The following ENPEP variants were observed in gnomAD, a reference collection of about 807,000 sequenced individuals.
The protein encoded by ENPEP is glutamyl aminopeptidase.
ENPEP carries 103 observed loss-of-function variants against 114.5 expected under a neutral mutation model. The ratio of observed to expected loss-of-function variants is 0.90; its 90% CI spans 0.77 to 1.06. The LOEUF (loss-of-function observed/expected upper bound fraction) is 1.06, where lower values mean the gene tolerates loss of function less well. ENPEP is among the 50% of genes least tolerant of loss of function. ENPEP has a pLI of 0.00. For synonymous variants in ENPEP, 420 were observed against 422.0 expected (o/e 1.00, Z 0.06); for missense variants, 1,196 against 1,161.3 (o/e 1.03, Z -0.43).
intron 1 of ENPEP, among the ~76,000 whole-genome samples, chr4:110,481,733 T>C (rs1724318385): frequency 1.3e-5 from 2 of 152,208 alleles, no homozygotes; most frequent in Non-Finnish European, 1.5e-5. Flanking sequence ...TGTGTATGTA[T>C]ATATATTTGT....
At chr4:110,513,266 C>T (rs1725644891) in intron 6 of ENPEP, 149 bp from the exon 7 acceptor site, 4 of 829,028 alleles carry the variant, frequency 4.8e-6, no homozygotes, top group Non-Finnish European at 7.1e-6. Context: ...TCAATCAGTG[C>T]AAAGTATGAT....
rs1448803 is a variant in ENPEP at position 110,543,290 on chromosome 4, A to T, written c.2000+220A>T. On this transcript the variant is annotated intron_variant, in intron 13 of 19. Coordinates refer to ENST00000265162, the MANE Select transcript of ENPEP (RefSeq NM_001977.4). ...AGCCCTTAAGGTATACACAAAAACA[A>T]ACCTAACTTATTGACTTTGAGTATG... 7.7e-3 allele frequency among the ~76,000 whole-genome samples: 1,170 copies of T among 152,246 alleles called. 7 individuals are homozygous for T. The highest frequency in any genetic ancestry group is 0.027 in the African/African-American group (1,124 of 41,560).
intron 13 of ENPEP, 109 bp from the exon 14 acceptor site, chr4:110,548,067 C>T (rs1343966566): frequency 6.7e-6 from 8 of 1,186,922 alleles, no homozygotes; most frequent in Non-Finnish European, 8.8e-6. Context: ...TCCTCATTAA[C>T]ATGGAATGCT....
chr4:110,483,981 GAGAAAA>G (rs1724407810), intron 1 of ENPEP, among the ~76,000 whole-genome samples: 1 of 152,160 alleles, frequency 6.6e-6, no homozygotes, highest in Non-Finnish European at 1.5e-5. Flanking sequence ...TGAAGTTCAT[GAGAAAA>G]AGAACAGGTT....
chr4:110,542,710 A>G, intron 11 of ENPEP, 41 bp from the exon 12 acceptor site: 1 of 1,568,884 alleles, frequency 6.4e-7, no homozygotes, highest in Non-Finnish European at 8.7e-7. Context: ...TTGACAGTGC[A>G]TGCAAACATG....
chr4:110,500,564 A>T lies in ENPEP; in HGVS notation c.919-6073A>T, dbSNP rs562550385. Among the ~76,000 whole-genome samples, 8 of 152,350 alleles carry T rather than the reference A, an allele frequency of 5.3e-5. No individual in the cohort carries two copies. The South Asian group carries it at 1.7e-3, about 32-fold the overall frequency. ...TTATGTTTATATATAATGTTTACAT[A>T]TAAAGTGATAAAGTAGACATACGAA... On this transcript the variant is annotated intron_variant, in intron 3 of 19. Transcript: ENST00000265162.
intron 11 of ENPEP, 144 bp downstream of exon 11, chr4:110,531,421 ATCT>A: frequency 1.7e-6 from 1 of 579,564 alleles, no homozygotes; most frequent in Non-Finnish European, 2.5e-6. Context: ...ATGATTCCAA[ATCT>A]TCATCTACAA....
intron 3 of ENPEP, 43 bp downstream of exon 3, chr4:110,491,207 G>C: frequency 7.1e-7 from 1 of 1,413,320 alleles, no homozygotes; most frequent in Non-Finnish European, 9.4e-7. Context: ...CTATGCATTT[G>C]TAATTAATTA....
At position 110,549,535 on chromosome 4, in the gene ENPEP, C is replaced by G. The variant is rs777524141; in HGVS notation, c.2233C>G (p.Arg745Gly). Residue 745 changes from arginine to glycine, a missense_variant, in exon 16 of 20, where the codon CGT (arginine) becomes GGT (glycine). Transcript: ENST00000265162. ...DAGDHVTKLL[R>G]SSVLGFACKM... Reference sequence around the variant, plus strand: ...GTTTGTTTGTTTTTTAAGGTTACTCCGTTCCTCCGTGTTAGGGTTTGCGTG... The same window carrying G: ...GTTTGTTTGTTTTTTAAGGTTACTCGGTTCCTCCGTGTTAGGGTTTGCGTG... 3.1e-6 allele frequency: 5 copies of G among 1,613,288 alleles called. No homozygotes were observed. The highest frequency in any genetic ancestry group is 4.2e-6 in the Non-Finnish European group (5 of 1,179,584).
intron 10 of ENPEP, among the ~76,000 whole-genome samples, chr4:110,522,516 G>A (rs1266530883): frequency 2.6e-5 from 4 of 152,078 alleles, no homozygotes; most frequent in Non-Finnish European, 5.9e-5. Context: ...AGAGAAACTT[G>A]GAGGCAAATA....
chr4:110,528,086 C>T (rs1396820598), intron 10 of ENPEP, among the ~76,000 whole-genome samples: 1 of 152,038 alleles, frequency 6.6e-6, no homozygotes, highest in East Asian at 1.9e-4. Context: ...CACATTTATA[C>T]TGTCTTTAAT....
chr4:110,556,562 G>C (rs576152501), intron 18 of ENPEP, among the ~76,000 whole-genome samples: 2 of 151,944 alleles, frequency 1.3e-5, no homozygotes, highest in South Asian at 2.1e-4. Context: ...GTAGTGTATT[G>C]ATGAACAGTC....
At chr4:110,491,200 T>A (rs1464768367) in intron 3 of ENPEP, 36 bp downstream of exon 3, 1 of 1,546,884 alleles carries the variant, frequency 6.5e-7, no homozygotes, top group Non-Finnish European at 8.7e-7. Flanking sequence ...TTACCACCTA[T>A]GCATTTGTAA....
In ENPEP at chr4:110,476,809, T is replaced by G; in HGVS notation, c.395T>G (p.Leu132Arg). Residue 132 changes from leucine to arginine, a missense_variant, in exon 1 of 20, where the codon CTG (leucine) becomes CGG (arginine). By Grantham distance (102) the Leu-to-Arg change is moderately radical. Coordinates refer to ENST00000265162, the MANE Select transcript of ENPEP (RefSeq NM_001977.4). The stretch of plus-strand genomic sequence containing the variant: ...AACCTGAGCGCTCCCACCCGGTACC[T>G]GTGGCTGCACCTCCGGGAGACCAGG... The part of the protein sequence containing the change: ...SINLSAPTRY[L>R]WLHLRETRIT... 6.2e-7 allele frequency: 1 copy of G among 1,614,130 alleles called. No homozygotes were observed. Among genetic ancestry groups the G allele is most frequent in the Non-Finnish European group, 8.5e-7 (1 of 1,180,016 alleles).
rs1016897416 is a variant in ENPEP, at chr4:110,549,424, T to G, written c.2225+5T>G. 4 of 1,613,046 alleles carry G rather than the reference T, an allele frequency of 2.5e-6. No individual in the cohort carries two copies. The African/African-American group carries it at 4.0e-5, about 16-fold the overall frequency. The stretch of plus-strand genomic sequence containing the variant: ...TGCTGGAGACCATGTCACAAAGTTA[T>G]TCTCACTTTTTAACAACTAAAATTC... On this transcript the variant is annotated splice_donor_5th_base_variant and intron_variant, in intron 15 of 19. Coordinates refer to ENST00000265162, the MANE Select transcript of ENPEP (RefSeq NM_001977.4).
At chr4:110,515,538 T>C (rs937923612) in intron 8 of ENPEP, 96 bp downstream of exon 8, 3 of 1,015,034 alleles carry the variant, frequency 3.0e-6, no homozygotes, top group Non-Finnish European at 4.5e-6. Context: ...ATAATTTCCT[T>C]TTTAATCTCT....
At chr4:110,488,517 T>G (rs2110336346) in intron 1 of ENPEP, 24 bp from the exon 2 acceptor site, 1 of 1,559,210 alleles carries the variant, frequency 6.4e-7, no homozygotes, top group East Asian at 2.4e-5. Flanking sequence ...ATGCATTTCG[T>G]TTGTTTGTTT....
At chr4:110,513,346 A>T in intron 6 of ENPEP, 69 bp from the exon 7 acceptor site, 1 of 1,491,818 alleles carries the variant, frequency 6.7e-7, no homozygotes, top group Middle Eastern at 1.8e-4. Context: ...TTTCTTATAT[A>T]TGGTATTTTA....
intron 13 of ENPEP, among the ~76,000 whole-genome samples, chr4:110,544,099 A>G (rs903184546): frequency 6.6e-6 from 1 of 151,978 alleles, no homozygotes; most frequent in Non-Finnish European, 1.5e-5. Flanking sequence ...AAAGTCAGAA[A>G]ACCTTGACAT....
Sources: allele counts gnomAD v4.1 joint callset (sites outside exome capture counted in the v4.1 genomes callset), GRCh38; gene constraint gnomAD v4.1.1; transcripts MANE v1.5; gene names NCBI Gene and HGNC (gene_info 2026-07-23, HGNC 2026-07-21).